Variants in MACROD2 observed in about 807,000 individuals in gnomAD.
The protein encoded by MACROD2 is ADP-ribose glycohydrolase MACROD2.
Under a neutral mutation model 70.4 loss-of-function variants are expected in MACROD2, and 36 were observed. The observed-to-expected ratio is 0.51, with a 90% confidence interval of 0.39 to 0.68. The LOEUF (loss-of-function observed/expected upper bound fraction) is 0.68. MACROD2 is among the 30% of genes least tolerant of loss of function. The probability of loss-of-function intolerance (pLI) is 0.00; values close to 1 mark genes in which losing one functional copy is unlikely to be tolerated. For synonymous variants in MACROD2, 172 were observed against 178.8 expected (o/e 0.96, Z 0.30); for missense variants, 496 against 538.4 (o/e 0.92, Z 0.78).
chr20:15,973,786 C>G (rs1378217392), intron 13 of MACROD2, among the ~76,000 whole-genome samples: 1 of 152,180 alleles, frequency 6.6e-6, no homozygotes, highest in Non-Finnish European at 1.5e-5. Flanking sequence ...AGAACTACTT[C>G]TATTTGAACC....
intron 8 of MACROD2, among the ~76,000 whole-genome samples, chr20:15,523,501 T>C (rs1051077203): frequency 1.3e-5 from 2 of 152,156 alleles, no homozygotes; most frequent in Admixed American, 6.5e-5. Context: ...GGGAGAGTTA[T>C]TCTCTCACTG....
intron 8 of MACROD2, among the ~76,000 whole-genome samples, chr20:15,776,213 T>C (rs976714947): frequency 7.2e-5 from 11 of 152,192 alleles, no homozygotes; most frequent in African/African-American, 2.7e-4. Flanking sequence ...TGAACTCACC[T>C]GGTCCATGTG....
chr20:15,909,986 G>T (rs2065211855), intron 10 of MACROD2, among the ~76,000 whole-genome samples: 1 of 152,180 alleles, frequency 6.6e-6, no homozygotes, highest in Admixed American at 6.5e-5. Flanking sequence ...AGAAGATCAA[G>T]AGTAGGTACA....
intron 5 of MACROD2, among the ~76,000 whole-genome samples, chr20:14,746,752 A>G (rs1233546674): frequency 1.3e-5 from 2 of 152,184 alleles, no homozygotes; most frequent in African/African-American, 2.4e-5. Context: ...GTGTCCTGAA[A>G]GGGTTACTGT....
chr20:14,600,498 T>A (rs1982424264), intron 4 of MACROD2, among the ~76,000 whole-genome samples: 1 of 152,080 alleles, frequency 6.6e-6, no homozygotes, highest in Admixed American at 6.6e-5. Flanking sequence ...CAAAAATTTT[T>A]AAAAAGAATT....
chr20:15,664,900 C>G (rs1392124385), intron 8 of MACROD2, among the ~76,000 whole-genome samples: 9 of 152,112 alleles, frequency 5.9e-5, no homozygotes. Flanking sequence ...GGTAAAGATA[C>G]AGAATACATG....
chr20:14,482,052 C>T (rs1971959313), intron 3 of MACROD2, among the ~76,000 whole-genome samples: 1 of 152,144 alleles, frequency 6.6e-6, no homozygotes, highest in African/African-American at 2.4e-5. Context: ...GGAAATGAAT[C>T]ATACAAGAGC....
chr20:14,591,017 A>G (rs1217153381), intron 4 of MACROD2, among the ~76,000 whole-genome samples: 1 of 152,176 alleles, frequency 6.6e-6, no homozygotes, highest in African/African-American at 2.4e-5. Flanking sequence ...TTTTGATGTT[A>G]TACGAAACTG....
At chr20:14,112,020 C>A (rs1284466220) in intron 3 of MACROD2, among the ~76,000 whole-genome samples, 1 of 151,912 alleles carries the variant, frequency 6.6e-6, no homozygotes, top group Admixed American at 6.6e-5. Context: ...CAATGGAGTA[C>A]TGTTCAGCCA....
chr20:15,972,538 A>G (rs2066246808), intron 13 of MACROD2, among the ~76,000 whole-genome samples: 1 of 152,222 alleles, frequency 6.6e-6, no homozygotes, highest in South Asian at 2.1e-4. Flanking sequence ...GGCCAGGCAC[A>G]GTGGCTTACG....
intron 5 of MACROD2, among the ~76,000 whole-genome samples, chr20:14,911,431 G>A (rs1389308920): frequency 6.6e-6 from 1 of 152,026 alleles, no homozygotes; most frequent in Non-Finnish European, 1.5e-5. Flanking sequence ...AGGCTAGAGT[G>A]CGGTGGCATG....
intron 8 of MACROD2, among the ~76,000 whole-genome samples, chr20:15,764,180 G>A (rs2051483787): frequency 6.6e-6 from 1 of 152,110 alleles, no homozygotes; most frequent in African/African-American, 2.4e-5. Context: ...TGTTAAACTT[G>A]CCACTCAATT....
intron 3 of MACROD2, among the ~76,000 whole-genome samples, chr20:14,161,512 A>G (rs1268910835): frequency 1.3e-5 from 2 of 150,426 alleles, no homozygotes; most frequent in Non-Finnish European, 3.0e-5. Context: ...ATGGATGCAC[A>G]GTATTACATG....
chr20:15,066,883 A>G (rs1339205731), intron 5 of MACROD2, among the ~76,000 whole-genome samples: 1 of 143,168 alleles, frequency 7.0e-6, no homozygotes, highest in Non-Finnish European at 1.5e-5. Flanking sequence ...CTCTGTCTCG[A>G]AAAAAAAAAA....
intron 8 of MACROD2, among the ~76,000 whole-genome samples, chr20:15,813,835 T>A (rs2063845304): frequency 6.6e-6 from 1 of 152,156 alleles, no homozygotes. Flanking sequence ...AGAGACAGTG[T>A]GATACATGTG....
chr20:14,175,015 G>T (rs1474524119), intron 3 of MACROD2, among the ~76,000 whole-genome samples: 3 of 152,100 alleles, frequency 2.0e-5, no homozygotes, highest in Non-Finnish European at 4.4e-5. Context: ...TCACACTCTG[G>T]GCACTAGCAG....
intron 5 of MACROD2, among the ~76,000 whole-genome samples, chr20:15,186,086 C>A (rs2076532699): frequency 6.6e-6 from 1 of 152,150 alleles, no homozygotes; most frequent in Non-Finnish European, 1.5e-5. Flanking sequence ...GAAAACCTGC[C>A]TTTATGCTTA....
At chr20:14,540,940 A>G (rs775800690) in intron 4 of MACROD2, among the ~76,000 whole-genome samples, 18 of 152,220 alleles carry the variant, frequency 1.2e-4, no homozygotes, top group Non-Finnish European at 4.4e-5. Flanking sequence ...TGGTCTGCCA[A>G]CTGTCCATAA....
chr20:15,094,549 C>A (rs187780794), intron 5 of MACROD2, among the ~76,000 whole-genome samples: 51 of 152,212 alleles, frequency 3.4e-4, no homozygotes, highest in African/African-American at 1.2e-3. Flanking sequence ...CTCTTGTATA[C>A]TTAAAATAAA....
Sources: allele counts gnomAD v4.1 joint callset (sites outside exome capture counted in the v4.1 genomes callset), GRCh38; gene constraint gnomAD v4.1.1; transcripts MANE v1.5; gene names NCBI Gene and HGNC (gene_info 2026-07-23, HGNC 2026-07-21).